DNAH10: variants seen among roughly 807,000 people sequenced by gnomAD.
The protein encoded by DNAH10 is axonemal beta dynein heavy chain 10.
DNAH10 carries 348 observed loss-of-function variants against 506.6 expected under a neutral mutation model. The observed-to-expected ratio is 0.69, with a 90% CI of 0.63 to 0.75. The LOEUF (loss-of-function observed/expected upper bound fraction) is 0.75. Ranked by LOEUF, DNAH10 falls within the 30% of genes least tolerant of loss-of-function variation. The pLI, the probability that DNAH10 is intolerant of heterozygous loss-of-function variation, is 0.00. For synonymous variants in DNAH10, 2,059 were observed against 2,198.6 expected (o/e 0.94, Z 1.78); for missense variants, 5,179 against 5,787.1 (o/e 0.89, Z 3.41).
chr12:123,764,662 G>A (rs1352458463), intron 1 of DNAH10, among the ~76,000 whole-genome samples: 1 of 152,128 alleles, frequency 6.6e-6, no homozygotes, highest in Non-Finnish European at 1.5e-5. Flanking sequence ...TCACCTCAGA[G>A]GGTCCCCCTG....
intron 59 of DNAH10, 103 bp from the exon 60 acceptor site, chr12:123,912,995 A>G (rs568941367): frequency 1.8e-6 from 2 of 1,092,818 alleles, no homozygotes; most frequent in African/African-American, 1.6e-5. Context: ...AAAAGCACAG[A>G]CACCATTAGA....
At chr12:123,779,822 T>C (rs1957576821) in intron 5 of DNAH10, among the ~76,000 whole-genome samples, 1 of 152,092 alleles carries the variant, frequency 6.6e-6, no homozygotes, top group South Asian at 2.1e-4. Flanking sequence ...AGGAAATACA[T>C]ATAGATTCAA....
intron 10 of DNAH10, among the ~76,000 whole-genome samples, chr12:123,788,758 T>C (rs992432825): frequency 6.6e-6 from 1 of 151,864 alleles, no homozygotes; most frequent in Non-Finnish European, 1.5e-5. Flanking sequence ...CAAGACCCTG[T>C]CTATTGAAAA....
At chr12:123,859,038 T>C (rs1566005007) in intron 37 of DNAH10, 112 bp from the exon 38 acceptor site, 2 of 1,009,568 alleles carry the variant, frequency 2.0e-6, no homozygotes, top group Non-Finnish European at 2.9e-6. Context: ...CTGGAAACCA[T>C]TGACTTGTAC....
intron 38 of DNAH10, among the ~76,000 whole-genome samples, chr12:123,860,442 C>T (rs796651569): frequency 6.6e-6 from 1 of 152,140 alleles, no homozygotes; most frequent in Non-Finnish European, 1.5e-5. Context: ...TTTACTGATT[C>T]GTTGGTTGTG....
chr12:123,879,271 A>G lies in DNAH10; in HGVS notation c.8380A>G (p.Thr2794Ala), dbSNP rs577138824. 5.8e-5 allele frequency: 92 copies of G among 1,573,642 alleles called. No homozygotes were observed. Among genetic ancestry groups the G allele is most frequent in the East Asian group, 1.2e-4 (5 of 42,858 alleles). Residue 2794 changes from threonine (T) to alanine (A), a missense_variant, in exon 49 of 79, where the codon ACG becomes GCG. Thr to Ala is a moderately conservative substitution (Grantham distance 58). Around this residue, in one of 3 missense-constraint regions of DNAH10, gnomAD observed 4,844 missense variants for 5,430.5 expected, o/e 0.89. Coordinates refer to ENST00000673944, the MANE Select transcript of DNAH10 (RefSeq NM_001372106.1). ...GTCCCTTCCATTCTGCAGATTCCAGACGGTGGCCCAGATGGTGAGAGTCTG... is the reference window on the plus strand; with the variant it reads ...GTCCCTTCCATTCTGCAGATTCCAGGCGGTGGCCCAGATGGTGAGAGTCTG... ...LVLTNPERFQTVAQMVRVWRN... is the reference protein window; with the variant it reads ...LVLTNPERFQAVAQMVRVWRN...
chr12:123,917,550 G>T lies in DNAH10; in HGVS notation c.11003-34G>T, dbSNP rs1028025705. On this transcript the variant is annotated intron_variant, in intron 63 of 78. Coordinates refer to ENST00000673944, the MANE Select transcript of DNAH10 (RefSeq NM_001372106.1). This position sits in a 1 kb window ranked among gnomAD's most constrained non-coding sequence, Gnocchi z 5.6. Reference sequence around the variant, plus strand: ...GCGGGAGAGACTGTTGTTGGGGGCCGCAGGTGGTGAGGGCCTCTCACTGTC... The same window carrying T: ...GCGGGAGAGACTGTTGTTGGGGGCCTCAGGTGGTGAGGGCCTCTCACTGTC... 6.5e-7 allele frequency: 1 copy of T among 1,540,026 alleles called. No homozygotes were observed. The highest frequency in any genetic ancestry group is 8.8e-7 in the Non-Finnish European group (1 of 1,139,142).
intron 13 of DNAH10, 47 bp from the exon 14 acceptor site, chr12:123,799,199 A>C: frequency 2.1e-6 from 3 of 1,410,472 alleles, no homozygotes; most frequent in South Asian, 1.7e-5. Context: ...GAGATGAAAA[A>C]TGTTATTTTC....
chr12:123,902,936 C>T lies in DNAH10; in HGVS notation c.9641-3C>T. 1 of 1,578,222 alleles carries T rather than the reference C, an allele frequency of 6.3e-7. No homozygotes were observed. Among genetic ancestry groups the T allele is most frequent in the Non-Finnish European group, 8.6e-7 (1 of 1,162,500 alleles). ...TTTACTCACCCCCTGTCCTACCCTG[C>T]AGCCGAGGAGAAGAAGAAACTGGCA... On this transcript the variant is annotated splice_polypyrimidine_tract_variant and splice_region_variant and intron_variant, in intron 56 of 78. Coordinates refer to ENST00000673944, the MANE Select transcript of DNAH10 (RefSeq NM_001372106.1). The surrounding 1 kb of genome is among the most constrained non-coding windows in gnomAD (Gnocchi z 4.5).
rs1952028833 is a variant in DNAH10 at position 123,871,404 on chromosome 12, T to C, written c.7640-53T>C. 7.7e-6 allele frequency: 12 copies of C among 1,559,088 alleles called. No homozygotes were observed. The South Asian group carries it at 1.3e-4, about 17-fold the overall frequency. ...TAGGACAACTCCATGTTGCCCCCAG[T>C]GCTCACCCTATTGGAGTTGCTGAGA... On this transcript the variant is annotated intron_variant, in intron 44 of 78. Transcript: ENST00000673944.
chr12:123,868,183 T>G, intron 43 of DNAH10, 64 bp downstream of exon 43: 1 of 1,368,770 alleles, frequency 7.3e-7, no homozygotes, highest in Non-Finnish European at 1.0e-6. Flanking sequence ...CTAGAGGAAG[T>G]GAATGAGCTT....
At chr12:123,873,513 C>A in intron 45 of DNAH10, 45 bp from the exon 46 acceptor site, 1 of 1,567,300 alleles carries the variant, frequency 6.4e-7, no homozygotes, top group Non-Finnish European at 8.6e-7. Flanking sequence ...CTGCTGCTAC[C>A]CTGGGGAAAA....
At chr12:123,801,178 G>T in intron 15 of DNAH10, 103 bp from the exon 16 acceptor site, 1 of 1,279,592 alleles carries the variant, frequency 7.8e-7, no homozygotes, top group Non-Finnish European at 1.1e-6. Flanking sequence ...ATCAAGGTTG[G>T]TCTTGATTGA....
At chr12:123,829,980 C>G (rs1044000547) in intron 25 of DNAH10, among the ~76,000 whole-genome samples, 1 of 152,172 alleles carries the variant, frequency 6.6e-6, no homozygotes, top group African/African-American at 2.4e-5. Context: ...CTTCATACCT[C>G]CTCTGGCACA....
Position 123,875,296 on chromosome 12 carries a change from A to T in DNAH10, c.8004A>T (p.Leu2668Phe), listed in dbSNP as rs746630560. Residue 2668 changes from leucine (L) to phenylalanine (F), a missense_variant, in exon 47 of 79, where the codon TTA becomes TTT. Leu to Phe is a conservative substitution (Grantham distance 22). This residue lies in a region of DNAH10 where 4,844 missense variants were observed against 5,430.5 expected (regional missense o/e 0.89). Coordinates refer to ENST00000673944, the MANE Select transcript of DNAH10 (RefSeq NM_001372106.1). ...LLKLLLEKGY[L>F]YDRGKELNCK... ...AGCTGCTGTTGGAAAAAGGCTACTT[A>T]TATGACCGTGGGAAGGAGCTGAACT... 2 of 1,613,424 alleles carry T rather than the reference A, an allele frequency of 1.2e-6. No homozygotes were observed. The highest frequency in any genetic ancestry group is 1.7e-6 in the Non-Finnish European group (2 of 1,179,600).
Position 123,783,319 on chromosome 12 carries a change from G to T in DNAH10, c.999+55G>T. On this transcript the variant is annotated intron_variant, in intron 7 of 78. Transcript: ENST00000673944. ...CGATCCAGGTCATGCTTACCATGCT[G>T]GGAAAGAGCCCGGAGTCTGGGGTCT... 5 of 1,599,214 alleles carry T rather than the reference G, an allele frequency of 3.1e-6. No individual in the cohort carries two copies. In the South Asian group the frequency reaches 5.5e-5, roughly 18 times the overall value.
rs1594421916 is a variant in DNAH10 at position 123,933,316 on chromosome 12, C to G, written c.13297-15C>G. 2.6e-6 allele frequency: 4 copies of G among 1,511,012 alleles called. No individual in the cohort carries two copies. Among genetic ancestry groups the G allele is most frequent in the Non-Finnish European group, 2.7e-6 (3 of 1,124,014 alleles). 93.6% of individuals were successfully genotyped at this position (1,511,012 alleles called of 1,614,324 possible). A position where few individuals can be genotyped will look rare whatever the true frequency, so the allele number is the denominator to read the frequency against. On this transcript the variant is annotated splice_polypyrimidine_tract_variant and intron_variant, in intron 76 of 78. Coordinates refer to ENST00000673944, the MANE Select transcript of DNAH10 (RefSeq NM_001372106.1). ...CAGCCCCAGGCTCCCAGCACTTGTC[C>G]TCTCTTCTCTCCAGGTGACCGAGAG...
Position 123,875,222 on chromosome 12 carries a change from A to G in DNAH10, c.7939-9A>G. The G allele has an allele frequency of 1.3e-6, 2 of 1,599,268 alleles. No homozygotes were observed. Among genetic ancestry groups the G allele is most frequent in the Non-Finnish European group, 1.7e-6 (2 of 1,171,940 alleles). ...TACTGTTCTCTTTTCTTTTTTAAAA[A>G]AAATCAAGGTGGATGAATATGGCAC... On this transcript the variant is annotated splice_polypyrimidine_tract_variant and intron_variant, in intron 46 of 78. Transcript: ENST00000673944.
chr12:123,918,606 C>A lies in DNAH10; in HGVS notation c.11233-70C>A, dbSNP rs1431971474. ...CATTGTACATACCTCTCTGCTGTCC[C>A]CCTGCCCCTCCTGCCCTCTGCCCAC... On this transcript the variant is annotated intron_variant, in intron 64 of 78. Coordinates refer to ENST00000673944, the MANE Select transcript of DNAH10 (RefSeq NM_001372106.1). 4 of 1,505,522 alleles carry A rather than the reference C, an allele frequency of 2.7e-6. No homozygotes were observed. The African/African-American group carries it at 5.6e-5, about 21-fold the overall frequency. The allele number at this position is 1,505,522 out of a possible 1,614,324, so 93.3% of individuals were successfully genotyped here.
Sources: gnomAD v4.1 joint callset for allele counts (sites outside exome capture counted in the v4.1 genomes callset) on GRCh38, gnomAD v4.1.1 for gene constraint, gnomAD v4.1.1 regional missense constraint, Gnocchi (gnomAD v3.1) non-coding constraint, MANE v1.5 for transcripts, NCBI Gene and HGNC (gene_info 2026-07-23, HGNC 2026-07-21) for gene names.